Variants in PPP2R5D observed in about 807,000 individuals in gnomAD.
The protein encoded by PPP2R5D is serine/threonine-protein phosphatase 2A 56 kDa regulatory subunit delta isoform.
Under a neutral mutation model 79.1 loss-of-function variants are expected in PPP2R5D, and 12 were observed. The ratio of observed to expected loss-of-function variants is 0.15; its 90% confidence interval spans 0.10 to 0.25. The LOEUF is 0.25. Ranked by LOEUF, PPP2R5D falls within the 10% of genes least tolerant of loss-of-function variation. The pLI is 1.00. For missense variants in PPP2R5D, 419 were observed against 760.2 expected (o/e 0.55, Z 5.28); for synonymous variants, 277 against 286.6 (o/e 0.97, Z 0.34).
At chr6:42,999,425 C>A (rs183774167) in intron 2 of PPP2R5D, among the ~76,000 whole-genome samples, 1 of 152,282 alleles carries the variant, frequency 6.6e-6, no homozygotes, top group Non-Finnish European at 1.5e-5. Flanking sequence ...TAAACCAGGG[C>A]AGCTCAGTGG....
intron 1 of PPP2R5D, among the ~76,000 whole-genome samples, chr6:42,989,401 G>A (rs552698379): frequency 6.6e-6 from 1 of 152,300 alleles, no homozygotes; most frequent in African/African-American, 2.4e-5. Context: ...TGTGTTTGGG[G>A]TGACTTCCTA....
chr6:43,008,497 A>C lies in PPP2R5D; in HGVS notation c.1026+22A>C. The C allele has an allele frequency of 6.3e-7, 1 of 1,579,160 alleles. No individual in the cohort carries two copies. Among genetic ancestry groups the C allele is most frequent in the Non-Finnish European group, 8.7e-7 (1 of 1,148,490 alleles). On this transcript the variant is annotated intron_variant, in intron 9 of 15. Transcript: ENST00000485511. The surrounding 1 kb of genome is among the most constrained non-coding windows in gnomAD (Gnocchi z 4.2). ...TCAGGTGAGCTGCCTTCCTCCTTAT[A>C]ATGTCCAACTCAGGCAGCAGAGAAA...
chr6:43,008,916 T>C lies in PPP2R5D; in HGVS notation c.1081-141T>C. 7.9e-7 allele frequency: 1 copy of C among 1,261,036 alleles called. No homozygotes were observed. The highest frequency in any genetic ancestry group is 1.1e-6 in the Non-Finnish European group (1 of 899,598). The allele number at this position is 1,261,036 out of a possible 1,614,324, so 78.1% of individuals were successfully genotyped here. On this transcript the variant is annotated intron_variant, in intron 10 of 15. Transcript: ENST00000485511. The surrounding 1 kb of genome is among the most constrained non-coding windows in gnomAD (Gnocchi z 4.2). ...AACCTATATACACCTAGGAAACAGA[T>C]CCAAGGCAAAGAAACGGGTAGCTGG...
intron 2 of PPP2R5D, among the ~76,000 whole-genome samples, chr6:42,991,169 T>C (rs1771239611): frequency 6.6e-6 from 1 of 152,188 alleles, no homozygotes; most frequent in South Asian, 2.1e-4. Flanking sequence ...ACTTGTGCAG[T>C]TGGTTCATAG....
chr6:43,003,749 T>C (rs923151202), intron 2 of PPP2R5D, among the ~76,000 whole-genome samples: 22 of 152,248 alleles, frequency 1.4e-4, no homozygotes, highest in Non-Finnish European at 2.8e-4. Flanking sequence ...TATTTATTTA[T>C]TTTTTGAGAC....
At chr6:42,998,015 T>TATATATA (rs1771842259) in intron 2 of PPP2R5D, among the ~76,000 whole-genome samples, 3 of 32,330 alleles carry the variant, frequency 9.3e-5, no homozygotes, top group African/African-American at 4.5e-4. Context: ...TGGGTTTTAT[T>TATATATA]TATATATATA....
chr6:42,988,910 A>T (rs986177482), intron 1 of PPP2R5D, among the ~76,000 whole-genome samples: 1 of 152,204 alleles, frequency 6.6e-6, no homozygotes, highest in Admixed American at 6.5e-5. Flanking sequence ...GCATAGGAAG[A>T]GATGCTGGGC....
Position 43,008,952 on chromosome 6 carries a change from C to T in PPP2R5D, c.1081-105C>T. 3 of 1,409,368 alleles carry T rather than the reference C, an allele frequency of 2.1e-6. No individual in the cohort carries two copies. Among genetic ancestry groups the T allele is most frequent in the Non-Finnish European group, 2.9e-6 (3 of 1,021,698 alleles). 87.3% of individuals were successfully genotyped at this position (1,409,368 alleles called of 1,614,324 possible). ...GAAACGGGTAGCTGGCTGAGATCAC[C>T]CAAACTGTGCCCACCAGGGTGGGGG... On this transcript the variant is annotated intron_variant, in intron 10 of 15. Coordinates refer to ENST00000485511, the MANE Select transcript of PPP2R5D (RefSeq NM_006245.4). The surrounding 1 kb of genome is among the most constrained non-coding windows in gnomAD (Gnocchi z 4.2).
At chr6:42,995,417 G>A (rs983245858) in intron 2 of PPP2R5D, among the ~76,000 whole-genome samples, 1 of 152,076 alleles carries the variant, frequency 6.6e-6, no homozygotes, top group Non-Finnish European at 1.5e-5. Flanking sequence ...ACAGGTGTGA[G>A]CCACTGTGCC....
At position 43,011,591 on chromosome 6, in the gene PPP2R5D, A is replaced by T; in HGVS notation, c.*305A>T. The T allele has an allele frequency of 2.2e-6, 1 of 458,806 alleles. No individual in the cohort carries two copies. The highest frequency in any genetic ancestry group is 4.1e-5 in the East Asian group (1 of 24,626). 28.4% of individuals were successfully genotyped at this position (458,806 alleles called of 1,614,324 possible). On this transcript the variant is annotated 3_prime_UTR_variant, in exon 16 of 16. Coordinates refer to ENST00000485511, the MANE Select transcript of PPP2R5D (RefSeq NM_006245.4). ...CACAGCTACCTGAGGCTGCTCTGAG[A>T]AGTACACACAGGAATACATACGCTC...
chr6:42,989,507 T>C, intron 1 of PPP2R5D, 104 bp from the exon 2 acceptor site: 1 of 963,880 alleles, frequency 1.0e-6, no homozygotes, highest in Admixed American at 2.3e-5. Flanking sequence ...AATTGATTGA[T>C]TCAACTGGAC....
intron 2 of PPP2R5D, among the ~76,000 whole-genome samples, chr6:42,999,797 G>A (rs994092354): frequency 2.0e-5 from 3 of 151,524 alleles, no homozygotes; most frequent in Non-Finnish European, 4.4e-5. Context: ...CTGACCTCAG[G>A]TGATCTGCCC....
intron 2 of PPP2R5D, among the ~76,000 whole-genome samples, chr6:42,995,572 A>AGACG (rs1771598114): frequency 6.9e-6 from 1 of 143,938 alleles, no homozygotes; most frequent in South Asian, 2.2e-4. Flanking sequence ...TTTTTTTTTG[A>AGACG]GACGGAGTCT....
At chr6:43,002,258 A>C (rs1761782557) in intron 2 of PPP2R5D, among the ~76,000 whole-genome samples, 1 of 151,068 alleles carries the variant, frequency 6.6e-6, no homozygotes, top group Admixed American at 6.6e-5. Context: ...CTGCCTCCCG[A>C]GTTCAAGAGA....
At chr6:43,002,507 T>C (rs1293818839) in intron 2 of PPP2R5D, among the ~76,000 whole-genome samples, 1 of 151,624 alleles carries the variant, frequency 6.6e-6, no homozygotes, top group Non-Finnish European at 1.5e-5. Context: ...GGCAGAGGAG[T>C]GTCTGGATAC....
Position 43,007,027 on chromosome 6 carries a change from G to A in PPP2R5D, c.439G>A (p.Ala147Thr). 1 of 1,614,148 alleles carries A rather than the reference G, an allele frequency of 6.2e-7. No homozygotes were observed. Among genetic ancestry groups the A allele is most frequent in the East Asian group, 2.2e-5 (1 of 44,884 alleles). The change falls in exon 4 of 16, where the codon GCA becomes ACA. Residue 147 changes from alanine to threonine, a missense_variant. Ala to Thr is a moderately conservative substitution (Grantham distance 58). Around this residue, in one of 5 missense-constraint regions of PPP2R5D, gnomAD observed 29 missense variants for 64.2 expected, o/e 0.45. Transcript: ENST00000485511. This position sits in a 1 kb window ranked among gnomAD's most constrained non-coding sequence, Gnocchi z 4.5. ...SDLKFKEVKR[A>T]GLNEMVEYIT... ...CCTCAAATTCAAGGAGGTGAAGCGG[G>A]CAGGACTCAACGAGATGGTGGAGTA... is the stretch of plus-strand genomic sequence containing the variant.
chr6:42,996,695 T>A (rs1335595309), intron 2 of PPP2R5D, among the ~76,000 whole-genome samples: 1 of 152,148 alleles, frequency 6.6e-6, no homozygotes, highest in Non-Finnish European at 1.5e-5. Flanking sequence ...CCTTTTAATC[T>A]TTTTTTATGG....
At position 43,007,287 on chromosome 6, in the gene PPP2R5D, C is replaced by T; in HGVS notation, c.614C>T (p.Ala205Val). The change falls in exon 5 of 16, where the codon GCT (alanine) becomes GTT (valine). Residue 205 changes from alanine (A) to valine (V), a missense_variant. Around this residue, in one of 5 missense-constraint regions of PPP2R5D, gnomAD observed 196 missense variants for 424.5 expected, o/e 0.46. Coordinates refer to ENST00000485511, the MANE Select transcript of PPP2R5D (RefSeq NM_006245.4). This position sits in a 1 kb window ranked among gnomAD's most constrained non-coding sequence, Gnocchi z 4.5. The stretch of plus-strand genomic sequence containing the variant: ...GAGGAAGATGAGCCCACCCTGGAAG[C>T]TGCTTGGCCACATCTCCAGGTACCA... ...DPEEDEPTLE[A>V]AWPHLQLVYE... 6.2e-7 allele frequency: 1 copy of T among 1,614,192 alleles called. No homozygotes were observed. The highest frequency in any genetic ancestry group is 2.2e-5 in the East Asian group (1 of 44,888).
At chr6:43,003,108 G>A (rs1213238243) in intron 2 of PPP2R5D, among the ~76,000 whole-genome samples, 1 of 146,598 alleles carries the variant, frequency 6.8e-6, no homozygotes, top group Non-Finnish European at 1.5e-5. Context: ...ACCTGTGTCT[G>A]GGAGCTATGC....
Sources: gnomAD v4.1 joint callset for allele counts (sites outside exome capture counted in the v4.1 genomes callset) on GRCh38, gnomAD v4.1.1 for gene constraint, gnomAD v4.1.1 regional missense constraint, Gnocchi (gnomAD v3.1) non-coding constraint, MANE v1.5 for transcripts, NCBI Gene and HGNC (gene_info 2026-07-23, HGNC 2026-07-21) for gene names.